ABCA3: variants seen among roughly 807,000 people sequenced by gnomAD.
ABCA3 encodes phospholipid-transporting ATPase ABCA3.
A neutral mutation model predicts 172.8 loss-of-function variants in ABCA3; 88 were observed. The ratio of observed to expected loss-of-function variants is 0.51; its 90% confidence interval spans 0.43 to 0.61. ABCA3 has a LOEUF of 0.61. ABCA3 is among the 20% of genes least tolerant of loss of function. ABCA3 has a pLI of 0.00. For synonymous variants in ABCA3, 1,066 were observed against 983.8 expected (o/e 1.08, Z -1.56); for missense variants, 2,164 against 2,301.0 (o/e 0.94, Z 1.22).
rs1236331017 is a variant in ABCA3, at chr16:2,283,469, T to A, written c.3863-111A>T. 7.8e-7 allele frequency: 1 copy of A among 1,282,778 alleles called. No individual in the cohort carries two copies. The highest frequency in any genetic ancestry group is 1.1e-6 in the Non-Finnish European group (1 of 927,910). 79.5% of individuals were successfully genotyped at this position (1,282,778 alleles called of 1,614,324 possible). ...GCTGCTCAAGGCGCCTGTAACAATG[T>A]CCCCTCCATGGGGAGATGTGAAGGC... On this transcript the variant is annotated intron_variant, in intron 25 of 32. Transcript: ENST00000301732. The surrounding 1 kb of genome is among the most constrained non-coding windows in gnomAD (Gnocchi z 5.4).
At position 2,295,728 on chromosome 16, in the gene ABCA3, T is replaced by C. The variant is rs2141705481; in HGVS notation, c.2276A>G (p.His759Arg). ...GTGCGGCTCCTTCACCAGCGTCATGTGATAGCCGGCACCTGGAATACAGGG... is the reference window on the plus strand; with the variant it reads ...GTGCGGCTCCTTCACCAGCGTCATGCGATAGCCGGCACCTGGAATACAGGG... ...FLKQKYGAGYHMTLVKEPHCN... is the reference protein window; with the variant it reads ...FLKQKYGAGYRMTLVKEPHCN... The change falls in exon 18 of 33, where the codon CAC becomes CGC. Residue 759 changes from histidine to arginine, a missense_variant. Coordinates refer to ENST00000301732, the MANE Select transcript of ABCA3 (RefSeq NM_001089.3). 3.7e-6 allele frequency: 6 copies of C among 1,613,822 alleles called. No individual in the cohort carries two copies. In the East Asian group the frequency reaches 1.1e-4, roughly 30 times the overall value.
At position 2,300,151 on chromosome 16, in the gene ABCA3, G is replaced by A; in HGVS notation, c.1468-3C>T. The A allele has an allele frequency of 1.2e-6, 2 of 1,613,384 alleles. No individual in the cohort carries two copies. Among genetic ancestry groups the A allele is most frequent in the Non-Finnish European group, 1.7e-6 (2 of 1,179,930 alleles). ...GGCTTCCCACACCAATAGGAGGGCT[G>A]GGAGGGAAGCAGACAGCTGTCAGTT... On this transcript the variant is annotated splice_region_variant and splice_polypyrimidine_tract_variant and intron_variant, in intron 12 of 32. Transcript: ENST00000301732.
intron 17 of ABCA3, among the ~76,000 whole-genome samples, chr16:2,295,981 C>T (rs953920577): frequency 3.3e-5 from 5 of 152,164 alleles, no homozygotes; most frequent in Non-Finnish European, 7.4e-5. Flanking sequence ...CTGTCAGGGG[C>T]ACCTGCTGGA....
At chr16:2,295,054 C>T (rs969830203) in intron 18 of ABCA3, among the ~76,000 whole-genome samples, 1 of 151,980 alleles carries the variant, frequency 6.6e-6, no homozygotes, top group Non-Finnish European at 1.5e-5. Flanking sequence ...CAAAATCAAA[C>T]AACAAACTGG....
rs1403668243 is a variant in ABCA3, at chr16:2,326,001, A to G, written c.319+9T>C. ...TAGGCCTGGCACCGAGAGCCCCGGC[A>G]TGTCTCACCTCGCATGTTGATCACA... On this transcript the variant is annotated intron_variant, in intron 5 of 32. Transcript: ENST00000301732. 9.9e-6 allele frequency: 16 copies of G among 1,613,488 alleles called. No individual in the cohort carries two copies. The highest frequency in any genetic ancestry group is 1.4e-5 in the Non-Finnish European group (16 of 1,179,978).
chr16:2,295,677 A>G lies in ABCA3; in HGVS notation c.2327T>C (p.Leu776Pro), dbSNP rs1853811864. 6.2e-7 allele frequency: 1 copy of G among 1,613,946 alleles called. No homozygotes were observed. The highest frequency in any genetic ancestry group is 1.7e-5 in the Admixed American group (1 of 60,014). Residue 776 changes from leucine (L) to proline (P), a missense_variant, in exon 18 of 33, where the codon CTG (leucine) becomes CCG (proline). Physicochemically the swap from Leu to Pro is moderately conservative, Grantham distance 98. Around this residue, in one of 3 missense-constraint regions of ABCA3, gnomAD observed 1,343 missense variants for 1,369.6 expected, o/e 0.98. Transcript: ENST00000301732. ...GGCGTTGGGCACGTGGTGGTGGACCAGCTGGGAGATGTCTTCCGGGTTGCA... is the reference window on the plus strand; with the variant it reads ...GGCGTTGGGCACGTGGTGGTGGACCGGCTGGGAGATGTCTTCCGGGTTGCA... ...PHCNPEDISQ[L>P]VHHHVPNATL...
At chr16:2,323,149 G>T (rs547567007) in intron 7 of ABCA3, among the ~76,000 whole-genome samples, 31 of 152,328 alleles carry the variant, frequency 2.0e-4, no homozygotes, top group African/African-American at 7.2e-4. Flanking sequence ...CAAAAGTCAG[G>T]AAACAACAGG....
Position 2,277,617 on chromosome 16 carries a change from G to T in ABCA3, c.4963C>A (p.Arg1655Ser). The change falls in exon 32 of 33, where the codon CGT becomes AGT. Residue 1655 changes from arginine to serine, a missense_variant. By Grantham distance (110) the Arg-to-Ser change is moderately radical. This residue lies in a region of ABCA3 where 795 missense variants were observed against 881.9 expected (regional missense o/e 0.90). Transcript: ENST00000301732. This position sits in a 1 kb window ranked among gnomAD's most constrained non-coding sequence, Gnocchi z 5.3. ...QGMVHYHLPG[R>S]DLSWAKVFGI... Reference sequence around the variant, plus strand: ...CTCACCTTCGCCCAGCTGAGGTCACGGCCCGGCAGGTGGTAATGGACCATG... The same window carrying T: ...CTCACCTTCGCCCAGCTGAGGTCACTGCCCGGCAGGTGGTAATGGACCATG... The T allele has an allele frequency of 6.2e-7, 1 of 1,613,104 alleles. No individual in the cohort carries two copies. Among genetic ancestry groups the T allele is most frequent in the Non-Finnish European group, 8.5e-7 (1 of 1,180,004 alleles).
At chr16:2,304,414 T>C (rs1201999929) in intron 11 of ABCA3, among the ~76,000 whole-genome samples, 1 of 151,938 alleles carries the variant, frequency 6.6e-6, no homozygotes, top group Non-Finnish European at 1.5e-5. Flanking sequence ...CTGTGACATA[T>C]ATGCACATAT....
At position 2,281,869 on chromosome 16, in the gene ABCA3, A is replaced by G. The variant is rs1291091999; in HGVS notation, c.4036-360T>C. ...GTCCAGGCTGGAGTGCAGTGGCGCA[A>G]TCTCAGCTCACTGCAAACTCTGCCT... On this transcript the variant is annotated intron_variant, in intron 26 of 32. Coordinates refer to ENST00000301732, the MANE Select transcript of ABCA3 (RefSeq NM_001089.3). This position sits in a 1 kb window ranked among gnomAD's most constrained non-coding sequence, Gnocchi z 4.7. Among the ~76,000 whole-genome samples the G allele has an allele frequency of 6.6e-6, 1 of 151,756 alleles. No individual in the cohort carries two copies. Among genetic ancestry groups the G allele is most frequent in the Non-Finnish European group, 1.5e-5 (1 of 67,978 alleles).
intron 7 of ABCA3, among the ~76,000 whole-genome samples, chr16:2,322,328 G>A (rs1043829781): frequency 4.0e-5 from 6 of 151,798 alleles, no homozygotes; most frequent in African/African-American, 1.5e-4. Context: ...TATACTGGAT[G>A]TTTTACTTTT....
At chr16:2,296,982 G>T (rs2093680806) in intron 17 of ABCA3, among the ~76,000 whole-genome samples, 1 of 152,200 alleles carries the variant, frequency 6.6e-6, no homozygotes, top group Non-Finnish European at 1.5e-5. Context: ...GCCCCTGCTG[G>T]CCCTGGCCAT....
intron 10 of ABCA3, among the ~76,000 whole-genome samples, chr16:2,313,292 C>G (rs548643930): frequency 6.6e-6 from 1 of 152,012 alleles, no homozygotes; most frequent in Non-Finnish European, 1.5e-5. Flanking sequence ...TGGTAGCTCA[C>G]GCCTATAATC....
chr16:2,316,546 C>T lies in ABCA3; in HGVS notation c.1111+737G>A, dbSNP rs185117679. Among the ~76,000 whole-genome samples the T allele has an allele frequency of 4.3e-3, 526 of 122,672 alleles. 8 individuals are homozygous for T. The highest frequency in any genetic ancestry group is 0.016 in the African/African-American group (510 of 31,902). The allele number at this position is 122,672 out of a possible 152,430, so 80.5% of individuals were successfully genotyped here. On this transcript the variant is annotated intron_variant, in intron 10 of 32. Transcript: ENST00000301732. ...AAAAAAAATTAGCCAGGCGTGGTGG[C>T]ACACGCCTGTAATCCCAGCTACTCA...
At chr16:2,276,917 T>G in intron 32 of ABCA3, 112 bp from the exon 33 acceptor site, 1 of 1,462,976 alleles carries the variant, frequency 6.8e-7, no homozygotes, top group South Asian at 1.2e-5. Context: ...ATCCTACCCC[T>G]GCCCAGCGCC....
intron 1 of ABCA3, among the ~76,000 whole-genome samples, chr16:2,332,051 C>T (rs531586885): frequency 3.9e-5 from 6 of 152,260 alleles, no homozygotes; most frequent in Admixed American, 2.6e-4. Context: ...GCAGAGTGAG[C>T]GCATACTGCA....
At chr16:2,302,356 A>T (rs766002886) in intron 12 of ABCA3, among the ~76,000 whole-genome samples, 4 of 152,236 alleles carry the variant, frequency 2.6e-5, no homozygotes, top group Non-Finnish European at 4.4e-5. Context: ...ATATAACAAC[A>T]TTCATCAATA....
chr16:2,336,195 G>A (rs1180486905), intron 1 of ABCA3, among the ~76,000 whole-genome samples: 1 of 152,128 alleles, frequency 6.6e-6, no homozygotes, highest in Non-Finnish European at 1.5e-5. Flanking sequence ...TGCTACAAGC[G>A]TACTGTCTAT....
chr16:2,297,852 C>T lies in ABCA3; in HGVS notation c.1966G>A (p.Asp656Asn), dbSNP rs142391342. Reference protein sequence around the residue: ...KQMLHIIGLEDKWNSRSRFLS... With the variant: ...KQMLHIIGLENKWNSRSRFLS... ...AAGCGGCTCCGTGAGTTCCACTTGT[C>T]CTCCAGGCCGATGATGTGCAGCATC... The change falls in exon 16 of 33, where the codon GAC (aspartate) becomes AAC (asparagine). Residue 656 changes from aspartate (D) to asparagine (N), a missense_variant. Around this residue, in one of 3 missense-constraint regions of ABCA3, gnomAD observed 1,343 missense variants for 1,369.6 expected, o/e 0.98. Coordinates refer to ENST00000301732, the MANE Select transcript of ABCA3 (RefSeq NM_001089.3). This position sits in a 1 kb window ranked among gnomAD's most constrained non-coding sequence, Gnocchi z 5.6. 1.5e-5 allele frequency: 25 copies of T among 1,613,852 alleles called. No homozygotes were observed. The highest frequency in any genetic ancestry group is 1.7e-4 in the Middle Eastern group (1 of 6,054).
Sources: gnomAD v4.1 joint callset for allele counts (sites outside exome capture counted in the v4.1 genomes callset) on GRCh38, gnomAD v4.1.1 for gene constraint, gnomAD v4.1.1 regional missense constraint, Gnocchi (gnomAD v3.1) non-coding constraint, MANE v1.5 for transcripts, NCBI Gene and HGNC (gene_info 2026-07-23, HGNC 2026-07-21) for gene names.